Variants in MEGF9 observed in about 807,000 individuals in gnomAD.
MEGF9 encodes multiple epidermal growth factor-like domains protein 9.
Under a neutral mutation model 46.8 loss-of-function variants are expected in MEGF9, and 6 were observed. The observed-to-expected ratio is 0.13, with a 90% CI of 0.07 to 0.25. The LOEUF (loss-of-function observed/expected upper bound fraction) is 0.25. Among genes scored for constraint, MEGF9 ranks in the 10% least tolerant of loss-of-function variants. The pLI, the probability that MEGF9 is intolerant of heterozygous loss-of-function variation, is 1.00. For synonymous variants in MEGF9, 302 were observed against 330.7 expected, an observed-to-expected ratio of 0.91 and a Z score of 0.94; for missense variants, 683 against 792.4, an observed-to-expected ratio of 0.86 and a Z score of 1.66.
intron 1 of MEGF9, among the ~76,000 whole-genome samples, chr9:120,684,946 T>C (rs10760111): frequency 0.59 from 89,172 of 151,878 alleles, 28,911 homozygotes; most frequent in South Asian, 0.74. Context: ...GCCATTCTCC[T>C]GCCTCAGCTT....
chr9:120,657,905 ATAAC>A (rs1231452285), intron 2 of MEGF9, among the ~76,000 whole-genome samples: 1 of 152,204 alleles, frequency 6.6e-6, no homozygotes, highest in Non-Finnish European at 1.5e-5. Context: ...ATTAAGACAA[ATAAC>A]TATTTTAAAA....
At chr9:120,645,920 C>G (rs566588418) in intron 2 of MEGF9, among the ~76,000 whole-genome samples, 4 of 152,142 alleles carry the variant, frequency 2.6e-5, no homozygotes, top group African/African-American at 4.8e-5. Context: ...TGGGTGGTAG[C>G]AATTGCTGGA....
At chr9:120,639,225 C>G (rs2043591612) in intron 2 of MEGF9, among the ~76,000 whole-genome samples, 1 of 151,678 alleles carries the variant, frequency 6.6e-6, no homozygotes, top group Non-Finnish European at 1.5e-5. Context: ...AGTAGGAACC[C>G]TGGGCAGGGC....
At chr9:120,666,693 C>T (rs762588597) in intron 1 of MEGF9, among the ~76,000 whole-genome samples, 1 of 152,102 alleles carries the variant, frequency 6.6e-6, no homozygotes, top group Non-Finnish European at 1.5e-5. Flanking sequence ...AAAACTTGTA[C>T]AGAAATATTT....
At chr9:120,637,524 T>C (rs1010030534) in intron 2 of MEGF9, among the ~76,000 whole-genome samples, 1 of 149,886 alleles carries the variant, frequency 6.7e-6, no homozygotes, top group African/African-American at 2.5e-5. Flanking sequence ...CCGGGCGTGG[T>C]GGCTCATGCC....
At position 120,711,966 on chromosome 9, in the gene MEGF9, T is replaced by A. The variant is rs75620079; in HGVS notation, c.601+1792A>T. 2.2e-3 allele frequency among the ~76,000 whole-genome samples: 333 copies of A among 152,228 alleles called. 1 individual carries two copies. Among genetic ancestry groups the A allele is most frequent in the African/African-American group, 7.2e-3 (301 of 41,542 alleles). ...ACAGTAAGTGTTAACTTATTTAATC[T>A]TCCCAGCAGGCCTGGTGAAGTGAAT... On this transcript the variant is annotated intron_variant, in intron 1 of 5. Transcript: ENST00000373930.
chr9:120,698,988 CT>C (rs1478706445), intron 1 of MEGF9, among the ~76,000 whole-genome samples: 2 of 152,132 alleles, frequency 1.3e-5, no homozygotes, highest in Non-Finnish European at 2.9e-5. Context: ...TTCCAGGCTG[CT>C]TTGGGCTTTC....
At chr9:120,705,729 C>T (rs911127090) in intron 1 of MEGF9, among the ~76,000 whole-genome samples, 2 of 151,898 alleles carry the variant, frequency 1.3e-5, no homozygotes, top group Non-Finnish European at 2.9e-5. Flanking sequence ...GGTATCCAGA[C>T]ATAATCTTTA....
At chr9:120,673,584 CTT>C (rs146146395) in intron 1 of MEGF9, among the ~76,000 whole-genome samples, 3 of 142,762 alleles carry the variant, frequency 2.1e-5, no homozygotes, top group African/African-American at 5.1e-5. Context: ...AGAAAGGATG[CTT>C]TTTTTTTTTT....
chr9:120,662,798 C>G (rs1275279648), intron 1 of MEGF9, among the ~76,000 whole-genome samples: 1 of 152,132 alleles, frequency 6.6e-6, no homozygotes, highest in Non-Finnish European at 1.5e-5. Context: ...GATCTAAAAG[C>G]CTGAAAATGG....
At position 120,651,479 on chromosome 9, in the gene MEGF9, AT is replaced by A. The variant is rs569018637; in HGVS notation, c.803+7894del. ...AAATTAGGCAAATTACCTAACTTGC[AT>A]TTTTTTTCCTGTACAAATGAGAATA... On this transcript the variant is annotated intron_variant, in intron 2 of 5. Transcript: ENST00000373930. Among the ~76,000 whole-genome samples, 229 of 152,050 alleles carry A rather than the reference AT, an allele frequency of 1.5e-3. 1 individual carries two copies. The highest frequency in any genetic ancestry group is 2.7e-3 in the Non-Finnish European group (185 of 67,958).
rs796654931 is a variant in MEGF9 at position 120,669,575 on chromosome 9, C to CAA, written c.602-10002_602-10001dup. On this transcript the variant is annotated intron_variant, in intron 1 of 5. Transcript: ENST00000373930. ...ATATGAGACAAAATAGATGTTTAGG[C>CAA]AAAAAAAAAAAGCAATATAAGCAGA... 2.6e-3 allele frequency among the ~76,000 whole-genome samples: 341 copies of CAA among 130,004 alleles called. 1 individual carries two copies. The highest frequency in any genetic ancestry group is 8.8e-3 in the African/African-American group (322 of 36,676). 85.3% of individuals were successfully genotyped at this position (130,004 alleles called of 152,430 possible).
At chr9:120,630,888 T>C (rs186250654) in intron 2 of MEGF9, among the ~76,000 whole-genome samples, 2 of 152,370 alleles carry the variant, frequency 1.3e-5, no homozygotes, top group East Asian at 3.9e-4. Context: ...ATTAGTCTCT[T>C]TCAGATGAAT....
chr9:120,615,720 T>C (rs1322922328), intron 3 of MEGF9, among the ~76,000 whole-genome samples: 2 of 151,662 alleles, frequency 1.3e-5, no homozygotes, highest in Admixed American at 6.6e-5. Flanking sequence ...CAGGGCAAAA[T>C]ACTGTCTCTA....
chr9:120,615,236 T>C (rs1428476808), intron 3 of MEGF9, among the ~76,000 whole-genome samples: 1 of 149,582 alleles, frequency 6.7e-6, no homozygotes, highest in Non-Finnish European at 1.5e-5. Flanking sequence ...TGAAACTCCT[T>C]TTCAAAAATA....
chr9:120,645,981 TAAGCAC>T (rs1434386878), intron 2 of MEGF9, among the ~76,000 whole-genome samples: 2 of 152,164 alleles, frequency 1.3e-5, no homozygotes, highest in Non-Finnish European at 2.9e-5. Flanking sequence ...GGAAGAATGG[TAAGCAC>T]AGGGAGAGGG....
At position 120,622,643 on chromosome 9, in the gene MEGF9, G is replaced by T; in HGVS notation, c.916C>A (p.Arg306=). The T allele has an allele frequency of 6.2e-7, 1 of 1,613,580 alleles. No individual in the cohort carries two copies. The highest frequency in any genetic ancestry group is 8.5e-7 in the Non-Finnish European group (1 of 1,179,798). The change falls in exon 3 of 6, where the codon CGG becomes AGG. Residue 306 remains arginine, a synonymous_variant. Transcript: ENST00000373930. ...GTGAGGGCATCGCAACTGGCAGACC[G>T]ATTATTGCATTGGCAGGGCAAGCAG... ...NGCLPCQCNN[R]SASCDALTGA...
chr9:120,670,022 A>G (rs2043741601), intron 1 of MEGF9, among the ~76,000 whole-genome samples: 3 of 152,226 alleles, frequency 2.0e-5, no homozygotes, highest in Admixed American at 2.0e-4. Context: ...AGGTAGAAGA[A>G]AGAGAGAAGT....
At chr9:120,653,340 G>A (rs2043661865) in intron 2 of MEGF9, among the ~76,000 whole-genome samples, 1 of 151,530 alleles carries the variant, frequency 6.6e-6, no homozygotes. Context: ...CTGACAAATT[G>A]CCTGACATTC....
Sources: gnomAD v4.1 joint callset for allele counts (sites outside exome capture counted in the v4.1 genomes callset) on GRCh38, gnomAD v4.1.1 for gene constraint, MANE v1.5 for transcripts, NCBI Gene and HGNC (gene_info 2026-07-23, HGNC 2026-07-21) for gene names.